FARSB: variants seen among roughly 807,000 people sequenced by gnomAD.
FARSB encodes phenylalanine--tRNA ligase beta subunit.
In FARSB, 40 loss-of-function variants were observed where a neutral mutation model predicts 69.6. That is an observed-to-expected ratio of 0.57 (90% CI 0.45 to 0.75). The LOEUF is 0.75. FARSB is among the 30% of genes least tolerant of loss of function. The probability of loss-of-function intolerance (pLI) is 0.00; values close to 1 mark genes in which losing one functional copy is unlikely to be tolerated. For missense variants in FARSB, 632 were observed against 722.9 expected (o/e 0.87, Z 1.44); for synonymous variants, 235 against 247.2 (o/e 0.95, Z 0.46).
chr2:222,631,509 A>AT (rs1286879081), intron 8 of FARSB, 95 bp downstream of exon 8: 17 of 748,144 alleles, frequency 2.3e-5, no homozygotes, highest in African/African-American at 3.6e-5. Flanking sequence ...CACCTACAAA[A>AT]TGCACATATT....
intron 3 of FARSB, among the ~76,000 whole-genome samples, 160 bp downstream of exon 3, chr2:222,642,691 T>G (rs1018276575): frequency 1.3e-4 from 20 of 152,240 alleles, no homozygotes; most frequent in Non-Finnish European, 1.5e-5. Flanking sequence ...ATGGCTACAA[T>G]CTGCATGAAT....
intron 16 of FARSB, among the ~76,000 whole-genome samples, chr2:222,592,237 T>C (rs1366077946): frequency 6.6e-6 from 1 of 152,184 alleles, no homozygotes; most frequent in East Asian, 1.9e-4. Flanking sequence ...GCTCAGGAGA[T>C]CACTCCACAT....
rs141086569 is a variant in FARSB at position 222,574,227 on chromosome 2, G to T, written c.1619-2205C>A. Among the ~76,000 whole-genome samples, 322 of 151,930 alleles carry T rather than the reference G, an allele frequency of 2.1e-3. 2 individuals are homozygous for T. The highest frequency in any genetic ancestry group is 0.014 in the Admixed American group (209 of 15,256). On this transcript the variant is annotated intron_variant, in intron 16 of 16. Coordinates refer to ENST00000281828, the MANE Select transcript of FARSB (RefSeq NM_005687.5). ...CCAGATCTACCTCTCTCCAGAAGTT[G>T]GGATCAAACTTTGCTTTAGCTCATT... is the stretch of plus-strand genomic sequence containing the variant.
chr2:222,593,568 C>A (rs1199678043), intron 16 of FARSB, among the ~76,000 whole-genome samples: 1 of 152,096 alleles, frequency 6.6e-6, no homozygotes, highest in African/African-American at 2.4e-5. Flanking sequence ...TTATTTAACA[C>A]ATCATTAGTT....
At position 222,615,984 on chromosome 2, in the gene FARSB, A is replaced by C. The variant is rs143962047; in HGVS notation, c.1345-2056T>G. ...AAACTTTTCTTAATTTTATCAGTGTATTTTATAGATATGCCTTATTTGCAT... is the reference window on the plus strand; with the variant it reads ...AAACTTTTCTTAATTTTATCAGTGTCTTTTATAGATATGCCTTATTTGCAT... On this transcript the variant is annotated intron_variant, in intron 14 of 16. Coordinates refer to ENST00000281828, the MANE Select transcript of FARSB (RefSeq NM_005687.5). Among the ~76,000 whole-genome samples, 1,123 of 152,346 alleles carry C rather than the reference A, an allele frequency of 7.4e-3. 17 individuals carry two copies. Among genetic ancestry groups the C allele is most frequent in the African/African-American group, 0.026 (1,066 of 41,588 alleles).
Position 222,614,075 on chromosome 2 carries a change from T to C in FARSB, c.1345-147A>G, listed in dbSNP as rs1690936096. On this transcript the variant is annotated intron_variant, in intron 14 of 16. Transcript: ENST00000281828. ...TTGCCCTAAAATATCCAAGTCACTT[T>C]CAATTTTCAATTCCAGGACACTGAA... 4 of 451,268 alleles carry C rather than the reference T, an allele frequency of 8.9e-6. No individual in the cohort carries two copies. In the South Asian group the frequency reaches 2.6e-4, roughly 29 times the overall value. The allele number at this position is 451,268 out of a possible 1,614,324, so 28.0% of individuals were successfully genotyped here.
chr2:222,611,877 C>T (rs188940897), intron 15 of FARSB, among the ~76,000 whole-genome samples: 19 of 152,294 alleles, frequency 1.2e-4, no homozygotes, highest in African/African-American at 4.6e-4. Flanking sequence ...GCATGCCCAG[C>T]CCCACAGAAC....
chr2:222,593,765 G>A (rs947833498), intron 16 of FARSB, among the ~76,000 whole-genome samples: 3 of 151,946 alleles, frequency 2.0e-5, no homozygotes, highest in Admixed American at 6.6e-5. Flanking sequence ...CGGCTACACT[G>A]ATGGCTGAGG....
intron 14 of FARSB, 150 bp downstream of exon 14, chr2:222,619,495 G>C: frequency 1.8e-6 from 1 of 551,368 alleles, no homozygotes; most frequent in Non-Finnish European, 3.3e-6. Flanking sequence ...AGCAAAGCAC[G>C]TAATAACCAA....
At chr2:222,640,791 T>C in intron 4 of FARSB, 71 bp downstream of exon 4, 1 of 759,852 alleles carries the variant, frequency 1.3e-6, no homozygotes, top group South Asian at 1.6e-5. Context: ...TGTTTCTCTT[T>C]CCTCCCCACT....
intron 16 of FARSB, among the ~76,000 whole-genome samples, chr2:222,581,230 G>A (rs1322211195): frequency 6.6e-6 from 1 of 152,154 alleles, no homozygotes; most frequent in Admixed American, 6.5e-5. Flanking sequence ...AAGGTATTGG[G>A]AATACTTTAA....
At chr2:222,621,638 A>C (rs191822810) in intron 13 of FARSB, among the ~76,000 whole-genome samples, 3 of 152,252 alleles carry the variant, frequency 2.0e-5, no homozygotes, top group Non-Finnish European at 4.4e-5. Flanking sequence ...GCTGAAGTAC[A>C]TAAGCCAACT....
rs1011941700 is a variant in FARSB at position 222,585,054 on chromosome 2, C to T, written c.1619-13032G>A. Reference sequence around the variant, plus strand: ...GACAGACTGCCTCCTCAAGTGGGTCCCTGACCCCCGAGTAACCTAACTAGG... The same window carrying T: ...GACAGACTGCCTCCTCAAGTGGGTCTCTGACCCCCGAGTAACCTAACTAGG... On this transcript the variant is annotated intron_variant, in intron 16 of 16. Coordinates refer to ENST00000281828, the MANE Select transcript of FARSB (RefSeq NM_005687.5). 3.3e-5 allele frequency among the ~76,000 whole-genome samples: 5 copies of T among 152,224 alleles called. No homozygotes were observed. In the East Asian group the frequency reaches 9.6e-4, roughly 29 times the overall value.
intron 16 of FARSB, among the ~76,000 whole-genome samples, chr2:222,572,551 C>T (rs1016692764): frequency 6.6e-6 from 1 of 152,178 alleles, no homozygotes; most frequent in Non-Finnish European, 1.5e-5. Flanking sequence ...TGTCATAGGC[C>T]GGCTACTGGG....
At chr2:222,625,360 T>C (rs1295010662) in intron 10 of FARSB, among the ~76,000 whole-genome samples, 1 of 152,192 alleles carries the variant, frequency 6.6e-6, no homozygotes, top group Non-Finnish European at 1.5e-5. Context: ...TTTGGAAATG[T>C]CCTTATGAAT....
intron 3 of FARSB, among the ~76,000 whole-genome samples, chr2:222,642,602 T>A (rs1273729153): frequency 6.6e-6 from 1 of 152,182 alleles, no homozygotes; most frequent in Non-Finnish European, 1.5e-5. Flanking sequence ...TAAGACGCCA[T>A]AAAAGCATTA....
chr2:222,598,485 T>G (rs1690481214), intron 16 of FARSB, among the ~76,000 whole-genome samples: 1 of 152,216 alleles, frequency 6.6e-6, no homozygotes, highest in Non-Finnish European at 1.5e-5. Context: ...ATGAAAGAAA[T>G]TGGACCTCAC....
Position 222,606,422 on chromosome 2 carries a change from G to A in FARSB, c.1463-6339C>T, listed in dbSNP as rs114693774. Among the ~76,000 whole-genome samples the A allele has an allele frequency of 2.4e-3, 370 of 152,218 alleles. 1 individual carries two copies. The highest frequency in any genetic ancestry group is 8.2e-3 in the African/African-American group (341 of 41,532). ...TATTTAAAAGTCATGCCAAAGCTGG[G>A]GTTTGTTGGAAATGCCTCAGTTCTT... On this transcript the variant is annotated intron_variant, in intron 15 of 16. Transcript: ENST00000281828.
chr2:222,615,154 T>C (rs1261698303), intron 14 of FARSB, among the ~76,000 whole-genome samples: 1 of 152,228 alleles, frequency 6.6e-6, no homozygotes, highest in East Asian at 1.9e-4. Context: ...CTGTAAGCTA[T>C]ACGGAATATA....
Sources: gnomAD v4.1 joint callset for allele counts (sites outside exome capture counted in the v4.1 genomes callset) on GRCh38, gnomAD v4.1.1 for gene constraint, MANE v1.5 for transcripts, NCBI Gene and HGNC (gene_info 2026-07-23, HGNC 2026-07-21) for gene names.